The following ANKRD31 variants were observed in gnomAD, a reference collection of about 807,000 sequenced individuals.
ANKRD31 encodes the protein ankyrin repeat domain 31, also known as ankyrin repeat domain-containing protein 31.
Under a neutral mutation model 186.0 loss-of-function variants are expected in ANKRD31, and 147 were observed. The ratio of observed to expected loss-of-function variants is 0.79; its 90% confidence interval spans 0.69 to 0.91. ANKRD31 has a LOEUF of 0.91. Ranked by LOEUF, ANKRD31 falls within the 40% of genes least tolerant of loss-of-function variation. The probability of loss-of-function intolerance (pLI) is 0.00; values close to 1 mark genes in which losing one functional copy is unlikely to be tolerated. For missense variants in ANKRD31, 1,986 were observed against 2,148.8 expected, an observed-to-expected ratio of 0.92 and a Z score of 1.50; for synonymous variants, 673 against 736.4, an observed-to-expected ratio of 0.91 and a Z score of 1.39.
chr5:75,139,727 T>C (rs1750867474), intron 15 of ANKRD31, among the ~76,000 whole-genome samples: 8 of 152,136 alleles, frequency 5.3e-5, no homozygotes, highest in Admixed American at 5.2e-4. Flanking sequence ...CACAAGTGCC[T>C]GCAAAGGGAA....
chr5:75,195,770 A>C lies in ANKRD31; in HGVS notation c.878T>G (p.Leu293Arg). Residue 293 changes from leucine (L) to arginine (R), a missense_variant, in exon 7 of 26, where the codon CTG (leucine) becomes CGG (arginine). Transcript: ENST00000506364. ...CACCTTGGCTTCTGACAATGTGTTC[A>C]GGGCTTCCAATAACTCAGCTGGCAA... ...DALPAELLEA[L>R]NTLSEAKVET... The C allele has an allele frequency of 6.5e-7, 1 of 1,537,488 alleles. No homozygotes were observed. The highest frequency in any genetic ancestry group is 8.7e-7 in the Non-Finnish European group (1 of 1,146,912).
chr5:75,210,903 T>C, intron 3 of ANKRD31, 38 bp from the exon 4 acceptor site: 6 of 1,395,856 alleles, frequency 4.3e-6, no homozygotes, highest in Non-Finnish European at 5.7e-6. Context: ...AACTGATAAG[T>C]GTTAATTCAA....
At chr5:75,117,639 A>C (rs1218763676) in intron 18 of ANKRD31, among the ~76,000 whole-genome samples, 1 of 43,598 alleles carries the variant, frequency 2.3e-5, no homozygotes, top group Non-Finnish European at 3.5e-5. Flanking sequence ...TTTGAGCATG[A>C]GGGAAAAGGA....
intron 17 of ANKRD31, among the ~76,000 whole-genome samples, chr5:75,137,537 A>C (rs936873642): frequency 1.3e-5 from 2 of 152,188 alleles, no homozygotes; most frequent in South Asian, 2.1e-4. Flanking sequence ...CACTATAATT[A>C]GACTCTTCTG....
chr5:75,078,798 T>C (rs1205341201), intron 25 of ANKRD31, among the ~76,000 whole-genome samples: 1 of 152,234 alleles, frequency 6.6e-6, no homozygotes, highest in African/African-American at 2.4e-5. Flanking sequence ...CCTTCCAGTT[T>C]ATACTGAAAT....
intron 25 of ANKRD31, among the ~76,000 whole-genome samples, chr5:75,079,784 C>T (rs1744941701): frequency 1.3e-5 from 2 of 152,184 alleles, no homozygotes; most frequent in Non-Finnish European, 2.9e-5. Context: ...CCAAGGCCAT[C>T]CCTCTTATAT....
At chr5:75,234,795 T>C (rs1199838339) in intron 1 of ANKRD31, among the ~76,000 whole-genome samples, 2 of 151,694 alleles carry the variant, frequency 1.3e-5, no homozygotes, top group African/African-American at 4.9e-5. Flanking sequence ...TCTACAGTTA[T>C]AAAAGAATCC....
chr5:75,171,653 A>C (rs1363987158), intron 10 of ANKRD31, among the ~76,000 whole-genome samples: 1 of 151,822 alleles, frequency 6.6e-6, no homozygotes, highest in Non-Finnish European at 1.5e-5. Context: ...AAAGAGCCAT[A>C]AATCGATTCT....
At chr5:75,220,681 C>T (rs1757238784) in intron 3 of ANKRD31, among the ~76,000 whole-genome samples, 1 of 151,082 alleles carries the variant, frequency 6.6e-6, no homozygotes, top group South Asian at 2.1e-4. Flanking sequence ...TGAACAGACA[C>T]TTTACACAAG....
intron 17 of ANKRD31, among the ~76,000 whole-genome samples, chr5:75,123,712 CAATA>C (rs952989262): frequency 6.6e-6 from 1 of 151,950 alleles, no homozygotes; most frequent in Non-Finnish European, 1.5e-5. Context: ...ATATCTTTTT[CAATA>C]AATAGTGTTG....
At chr5:75,224,178 T>TATATAC (rs1341100904) in intron 2 of ANKRD31, among the ~76,000 whole-genome samples, 47 of 124,446 alleles carry the variant, frequency 3.8e-4, no homozygotes, top group Middle Eastern at 4.2e-3. Flanking sequence ...TATATATATA[T>TATATAC]ACACACATTT....
chr5:75,101,755 G>C (rs534768808), intron 22 of ANKRD31, among the ~76,000 whole-genome samples: 15 of 152,076 alleles, frequency 9.9e-5, no homozygotes, highest in Non-Finnish European at 2.1e-4. Context: ...CGTAGTTCTC[G>C]TGCCATGGTT....
rs1461161966 is a variant in ANKRD31 at position 75,146,641 on chromosome 5, C to T, written c.2770G>A (p.Gly924Ser). 2.6e-6 allele frequency: 4 copies of T among 1,535,196 alleles called. No individual in the cohort carries two copies. The highest frequency in any genetic ancestry group is 2.0e-5 in the Admixed American group (1 of 50,732). The change falls in exon 14 of 26, where the codon GGC becomes AGC. Residue 924 changes from glycine (G) to serine (S), a missense_variant. Gly to Ser is a moderately conservative substitution (Grantham distance 56). Coordinates refer to ENST00000506364, the MANE Select transcript of ANKRD31 (RefSeq NM_001372053.1). ...TCCTTAAAATTATAGTGTTTTTTGC[C>T]ACCTGTAGAACACAACACCTTTTTA... is the stretch of plus-strand genomic sequence containing the variant. ...TSKKVLCSTG[G>S]KKHYNFKENL...
At position 75,146,331 on chromosome 5, in the gene ANKRD31, T is replaced by G; in HGVS notation, c.3080A>C (p.His1027Pro). 1 of 1,536,572 alleles carries G rather than the reference T, an allele frequency of 6.5e-7. No individual in the cohort carries two copies. The highest frequency in any genetic ancestry group is 1.2e-5 in the South Asian group (1 of 84,048). Residue 1027 changes from histidine to proline, a missense_variant, in exon 14 of 26, where the codon CAT becomes CCT. Transcript: ENST00000506364. ...CTGTGGCTTTTTGAATAGCTCCACATGATTAGTCAACTTTGAAGCCTCATG... is the reference window on the plus strand; with the variant it reads ...CTGTGGCTTTTTGAATAGCTCCACAGGATTAGTCAACTTTGAAGCCTCATG... ...LTHEASKLTN[H>P]VELFKKPQDY...
At chr5:75,107,812 T>C (rs1451998286) in intron 20 of ANKRD31, among the ~76,000 whole-genome samples, 195 bp from the exon 21 acceptor site, 1 of 152,034 alleles carries the variant, frequency 6.6e-6, no homozygotes, top group Non-Finnish European at 1.5e-5. Flanking sequence ...AGTGTATAGA[T>C]AAGAATGCTG....
chr5:75,171,279 T>G (rs971282068), intron 10 of ANKRD31, among the ~76,000 whole-genome samples: 1 of 152,060 alleles, frequency 6.6e-6, no homozygotes, highest in Non-Finnish European at 1.5e-5. Flanking sequence ...ATCCTTTATG[T>G]TCTTTTTAGT....
intron 23 of ANKRD31, among the ~76,000 whole-genome samples, chr5:75,086,793 A>G (rs372151286): frequency 2.0e-5 from 3 of 152,330 alleles, no homozygotes; most frequent in East Asian, 3.9e-4. Flanking sequence ...ACACTCCATT[A>G]TTCCTTAGAA....
chr5:75,100,772 C>G (rs1746784386), intron 22 of ANKRD31, among the ~76,000 whole-genome samples: 3 of 152,088 alleles, frequency 2.0e-5, no homozygotes, highest in African/African-American at 7.2e-5. Flanking sequence ...CTTCCATTTA[C>G]TTGGTAGATC....
Position 75,198,255 on chromosome 5 carries a change from C to T in ANKRD31, c.447+1376G>A, listed in dbSNP as rs186932869. ...TAGAGGACACAAATTTGAGCTGCCT[C>T]TCCTGTCTCCTTGCTGGCCTGTCTC... On this transcript the variant is annotated intron_variant, in intron 6 of 25. Coordinates refer to ENST00000506364, the MANE Select transcript of ANKRD31 (RefSeq NM_001372053.1). Among the ~76,000 whole-genome samples, 49 of 152,316 alleles carry T rather than the reference C, an allele frequency of 3.2e-4. No homozygotes were observed. In the East Asian group the frequency reaches 9.1e-3, roughly 28 times the overall value.
Sources: gnomAD v4.1 joint callset for allele counts (sites outside exome capture counted in the v4.1 genomes callset) on GRCh38, gnomAD v4.1.1 for gene constraint, MANE v1.5 for transcripts, NCBI Gene and HGNC (gene_info 2026-07-23, HGNC 2026-07-21) for gene names.